Variants in KDM6A observed in about 807,000 individuals in gnomAD.
KDM6A encodes lysine-specific demethylase 6A.
In KDM6A, 11 loss-of-function variants were observed where a neutral mutation model predicts 117.6. The ratio of observed to expected loss-of-function variants is 0.09; its 90% CI spans 0.06 to 0.15. KDM6A has a LOEUF of 0.15. KDM6A is among the 10% of genes least tolerant of loss of function. The pLI, the probability that KDM6A is intolerant of heterozygous loss-of-function variation, is 1.00. For missense variants in KDM6A, 799 were observed against 1,077.3 expected (o/e 0.74, Z 3.62); for synonymous variants, 384 against 396.1 (o/e 0.97, Z 0.36).
At chrX:45,060,277 A>C in intron 13 of KDM6A, 121 bp downstream of exon 13, 2 of 1,079,966 alleles carry the variant, frequency 1.9e-6, no homozygotes, top group Non-Finnish European at 2.5e-6. Flanking sequence ...CTTTTGATTT[A>C]ATTGCAAAGG....
chrX:44,922,884 ATT>A (rs1310232638), intron 2 of KDM6A, among the ~76,000 whole-genome samples: 1 of 108,921 alleles, frequency 9.2e-6, no homozygotes, highest in Non-Finnish European at 1.9e-5. Flanking sequence ...CTTTATGTAG[ATT>A]TAAATTTGCC....
intron 18 of KDM6A, among the ~76,000 whole-genome samples, chrX:45,070,893 C>T (rs764113849): frequency 1.5e-4 from 17 of 110,851 alleles, no homozygotes; most frequent in Admixed American, 6.7e-4. Context: ...ACATGACAGA[C>T]TGTCAGCCAT....
chrX:45,063,902 G>A (rs1275250859), intron 17 of KDM6A, 85 bp downstream of exon 17: 1 of 935,232 alleles, frequency 1.1e-6, no homozygotes, highest in East Asian at 3.4e-5. Context: ...GAAGAGAGAA[G>A]TGTTTGGGGA....
At chrX:44,951,186 C>T (rs1193840832) in intron 2 of KDM6A, among the ~76,000 whole-genome samples, 1 of 111,614 alleles carries the variant, frequency 9.0e-6, no homozygotes, top group Admixed American at 9.6e-5. Flanking sequence ...AGGCACCCCT[C>T]TGTGCAGAGG....
At chrX:45,077,086 GA>G (rs2045160809) in intron 19 of KDM6A, among the ~76,000 whole-genome samples, 1 of 110,167 alleles carries the variant, frequency 9.1e-6, no homozygotes, top group African/African-American at 3.3e-5. Context: ...GCAGCGTTAG[GA>G]AAAAGCTACC....
At position 44,931,398 on chromosome X, in the gene KDM6A, A is replaced by G. The variant is rs760699857; in HGVS notation, c.226-29886A>G. On this transcript the variant is annotated intron_variant, in intron 2 of 29. Coordinates refer to ENST00000611820, the MANE Select transcript of KDM6A (RefSeq NM_001291415.2). ...CTCCAAAGCAGGATCTCAAAGAGGT[A>G]TTAATGTACCTATGTTCATTGTGAC... is the stretch of plus-strand genomic sequence containing the variant. Among the ~76,000 whole-genome samples the G allele has an allele frequency of 1.2e-4, 14 of 112,270 alleles. No homozygotes were observed. In the South Asian group the frequency reaches 4.8e-3, roughly 39 times the overall value.
At chrX:44,899,302 C>A (rs190673989) in intron 2 of KDM6A, among the ~76,000 whole-genome samples, 1 of 98,917 alleles carries the variant, frequency 1.0e-5, no homozygotes, top group East Asian at 3.3e-4. Context: ...ATGGGTTTTG[C>A]CAGAAAGGTT....
chrX:45,081,981 G>A (rs2045428302), intron 21 of KDM6A, among the ~76,000 whole-genome samples: 1 of 109,216 alleles, frequency 9.2e-6, no homozygotes. Flanking sequence ...CGGTTTCACT[G>A]TGTCAGCCAG....
intron 5 of KDM6A, 114 bp downstream of exon 5, chrX:45,011,133 A>G: frequency 1.9e-6 from 1 of 533,442 alleles, no homozygotes; most frequent in South Asian, 2.8e-5. Context: ...ATTTAGTGTC[A>G]TTAAACCTAC....
At chrX:45,066,151 A>G (rs771407879) in intron 17 of KDM6A, among the ~76,000 whole-genome samples, 58 of 112,511 alleles carry the variant, frequency 5.2e-4, no homozygotes, top group African/African-American at 1.8e-3. Context: ...TACAGAAAAG[A>G]TATGCTGACC....
intron 2 of KDM6A, among the ~76,000 whole-genome samples, chrX:44,915,770 C>T (rs181811316): frequency 4.8e-4 from 53 of 111,346 alleles, no homozygotes; most frequent in African/African-American, 1.6e-3. Flanking sequence ...TCAGATTGAC[C>T]GTGGTGGTAT....
At position 44,873,715 on chromosome X, in the gene KDM6A, AC is replaced by A. The variant is rs1245729512; in HGVS notation, c.161+4del. The A allele has an allele frequency of 3.4e-6, 4 of 1,164,695 alleles. No homozygotes were observed. Among genetic ancestry groups the A allele is most frequent in the Non-Finnish European group, 4.6e-6 (4 of 872,315 alleles). On this transcript the variant is annotated splice_donor_region_variant and intron_variant, in intron 1 of 29. Transcript: ENST00000611820. ...GAGGCGCTCGGCGGACTGGACAGGT[AC>A]GGGCCGCCGTCACTCGCCCGGTCGG...
chrX:44,911,458 C>G (rs188680545), intron 2 of KDM6A, among the ~76,000 whole-genome samples: 2,506 of 109,770 alleles, frequency 0.023, 79 homozygotes, highest in African/African-American at 0.08. Flanking sequence ...CTCCCCACAT[C>G]TCAGACGATG....
At chrX:45,054,706 G>A (rs5952286) in intron 10 of KDM6A, among the ~76,000 whole-genome samples, 18,966 of 110,938 alleles carry the variant, frequency 0.17, 2,352 homozygotes, top group African/African-American at 0.44. Flanking sequence ...CAATGTACTA[G>A]GAGCCAGGAC....
chrX:44,948,599 G>T (rs1207586962), intron 2 of KDM6A, among the ~76,000 whole-genome samples: 1 of 111,811 alleles, frequency 8.9e-6, no homozygotes, highest in East Asian at 2.8e-4. Flanking sequence ...TGAAGGAAAT[G>T]GTGGGTGGTT....
intron 19 of KDM6A, among the ~76,000 whole-genome samples, 179 bp from the exon 20 acceptor site, chrX:45,078,221 T>A (rs1213324824): frequency 8.9e-6 from 1 of 112,399 alleles, no homozygotes; most frequent in Non-Finnish European, 1.9e-5. Context: ...ATGTATGTGG[T>A]TACTATCTGA....
chrX:45,110,027 A>G (rs2046706893), intron 28 of KDM6A, 52 bp from the exon 29 acceptor site: 1 of 1,054,123 alleles, frequency 9.5e-7, no homozygotes, highest in Admixed American at 2.2e-5. Flanking sequence ...CTAAAGCAGT[A>G]CAGTAAATAC....
intron 2 of KDM6A, among the ~76,000 whole-genome samples, chrX:44,935,267 A>T (rs2036899480): frequency 8.9e-6 from 1 of 111,875 alleles, no homozygotes; most frequent in African/African-American, 3.2e-5. Context: ...CTAAATACAC[A>T]TACTTCTAGT....
In KDM6A at chrX:44,915,315, C is replaced by A. The variant is rs930706568; in HGVS notation, c.225+41328C>A. 3.6e-5 allele frequency among the ~76,000 whole-genome samples: 4 copies of A among 112,180 alleles called. No individual in the cohort carries two copies. In the Admixed American group the frequency reaches 3.8e-4, roughly 11 times the overall value. Reference sequence around the variant, plus strand: ...TATTGTAGCTAAAAATGACATCCCTCTGTTCCAATGCTGGAAAAAGTGACA... The same window carrying A: ...TATTGTAGCTAAAAATGACATCCCTATGTTCCAATGCTGGAAAAAGTGACA... On this transcript the variant is annotated intron_variant, in intron 2 of 29. Transcript: ENST00000611820.
Sources: gnomAD v4.1 joint callset for allele counts (sites outside exome capture counted in the v4.1 genomes callset) on GRCh38, gnomAD v4.1.1 for gene constraint, MANE v1.5 for transcripts, NCBI Gene and HGNC (gene_info 2026-07-23, HGNC 2026-07-21) for gene names.